Variants in KCND3 observed in about 807,000 individuals in gnomAD.
KCND3 encodes A-type voltage-gated potassium channel KCND3.
Under a neutral mutation model 51.1 loss-of-function variants are expected in KCND3, and 9 were observed. The ratio of observed to expected loss-of-function variants is 0.18; its 90% CI spans 0.11 to 0.31. KCND3 has a LOEUF of 0.31. Ranked by LOEUF, KCND3 falls within the 10% of genes least tolerant of loss-of-function variation. The probability of loss-of-function intolerance (pLI) is 1.00; values close to 1 mark genes in which losing one functional copy is unlikely to be tolerated. For missense variants in KCND3, 526 were observed against 903.8 expected (o/e 0.58, Z 5.36); for synonymous variants, 349 against 368.0 (o/e 0.95, Z 0.59).
intron 2 of KCND3, among the ~76,000 whole-genome samples, chr1:111,894,413 C>T (rs954917799): frequency 2.0e-5 from 3 of 152,196 alleles, no homozygotes; most frequent in Non-Finnish European, 4.4e-5. Context: ...CTTTCTCTCC[C>T]ACCCTACCCT....
chr1:111,936,159 T>C (rs1398873956), intron 2 of KCND3, among the ~76,000 whole-genome samples: 3 of 152,186 alleles, frequency 2.0e-5, no homozygotes, highest in Non-Finnish European at 2.9e-5. Context: ...AGTAAAGAGA[T>C]GGAGAGACCC....
At chr1:111,857,994 G>T (rs1001075267) in intron 2 of KCND3, among the ~76,000 whole-genome samples, 5 of 152,070 alleles carry the variant, frequency 3.3e-5, no homozygotes, top group African/African-American at 1.2e-4. Context: ...CTGTGAGATG[G>T]TCTGCAGTGC....
At chr1:111,987,535 A>AGT (rs1236140052) in intron 1 of KCND3, among the ~76,000 whole-genome samples, 3 of 152,158 alleles carry the variant, frequency 2.0e-5, no homozygotes, top group African/African-American at 7.2e-5. Context: ...GGGGAGGACA[A>AGT]GTGTCCCACC....
intron 2 of KCND3, among the ~76,000 whole-genome samples, chr1:111,934,928 C>T: frequency 6.6e-6 from 1 of 152,190 alleles, no homozygotes; most frequent in Admixed American, 6.5e-5. Flanking sequence ...ACATTAATGC[C>T]TGGCATGTGG....
rs994809435 is a variant in KCND3, at chr1:111,905,424, C to T, written c.1106+76197G>A. Among the ~76,000 whole-genome samples, 12 of 152,330 alleles carry T rather than the reference C, an allele frequency of 7.9e-5. No individual in the cohort carries two copies. In the East Asian group the frequency reaches 2.1e-3, roughly 27 times the overall value. Reference sequence around the variant, plus strand: ...AATATGAGAGTAGAGAGGCTCGGTGCTTTCACAAGGATCCCTGGTAAGGGG... The same window carrying T: ...AATATGAGAGTAGAGAGGCTCGGTGTTTTCACAAGGATCCCTGGTAAGGGG... On this transcript the variant is annotated intron_variant, in intron 2 of 7. Coordinates refer to ENST00000302127, the MANE Select transcript of KCND3 (RefSeq NM_001378969.1).
chr1:111,864,576 T>A (rs1053961132), intron 2 of KCND3, among the ~76,000 whole-genome samples: 3 of 152,238 alleles, frequency 2.0e-5, no homozygotes, highest in African/African-American at 7.2e-5. Context: ...CTTTCTTTCA[T>A]GTAGCTTGAA....
At chr1:111,931,706 T>C (rs1671979780) in intron 2 of KCND3, among the ~76,000 whole-genome samples, 1 of 152,222 alleles carries the variant, frequency 6.6e-6, no homozygotes, top group Non-Finnish European at 1.5e-5. Context: ...AGCATCGGCA[T>C]AGTGCTGCGT....
In KCND3 at chr1:111,960,400, T is replaced by G. The variant is rs1673581499; in HGVS notation, c.1106+21221A>C. On this transcript the variant is annotated intron_variant, in intron 2 of 7. Coordinates refer to ENST00000302127, the MANE Select transcript of KCND3 (RefSeq NM_001378969.1). ...TCCTCAGCTGCTTGATAAAGCCGTA[T>G]TTAGCACATTCCTCCAAACAGAGAA... is the stretch of plus-strand genomic sequence containing the variant. Among the ~76,000 whole-genome samples, 4 of 152,214 alleles carry G rather than the reference T, an allele frequency of 2.6e-5. No homozygotes were observed. In the South Asian group the frequency reaches 8.3e-4, roughly 32 times the overall value.
At chr1:111,906,560 C>A (rs1670657323) in intron 2 of KCND3, among the ~76,000 whole-genome samples, 1 of 152,220 alleles carries the variant, frequency 6.6e-6, no homozygotes, top group Admixed American at 6.5e-5. Context: ...CTTTTCCTGT[C>A]TTATCAAGCC....
At chr1:111,798,566 T>C (rs888049211) in intron 2 of KCND3, among the ~76,000 whole-genome samples, 4 of 151,920 alleles carry the variant, frequency 2.6e-5, no homozygotes, top group Admixed American at 6.6e-5. Flanking sequence ...GACTCAATTG[T>C]TCATGAGTGA....
At chr1:111,791,472 A>G (rs1204864181) in intron 2 of KCND3, among the ~76,000 whole-genome samples, 1 of 152,216 alleles carries the variant, frequency 6.6e-6, no homozygotes, top group Non-Finnish European at 1.5e-5. Context: ...GCGTGATGGA[A>G]AAGACAGTGA....
At chr1:111,838,611 C>T (rs562539271) in intron 2 of KCND3, among the ~76,000 whole-genome samples, 11 of 152,064 alleles carry the variant, frequency 7.2e-5, no homozygotes, top group African/African-American at 1.9e-4. Flanking sequence ...GAGCCGAGAT[C>T]GCACCACTGC....
At chr1:111,955,585 T>A (rs1206778711) in intron 2 of KCND3, among the ~76,000 whole-genome samples, 3 of 152,352 alleles carry the variant, frequency 2.0e-5, no homozygotes, top group South Asian at 2.1e-4. Flanking sequence ...TCTCCCTCGC[T>A]GGGCCCTCAC....
chr1:111,821,436 A>C (rs1412246388), intron 2 of KCND3, among the ~76,000 whole-genome samples: 2 of 152,118 alleles, frequency 1.3e-5, no homozygotes, highest in Non-Finnish European at 2.9e-5. Flanking sequence ...CACAGCGGGT[A>C]TCTTTGGCAC....
At chr1:111,805,688 G>C (rs1394789260) in intron 2 of KCND3, among the ~76,000 whole-genome samples, 1 of 152,254 alleles carries the variant, frequency 6.6e-6, no homozygotes, top group Non-Finnish European at 1.5e-5. Context: ...GGAGCGGGGG[G>C]ACATGGAGAG....
intron 2 of KCND3, among the ~76,000 whole-genome samples, chr1:111,943,857 G>A (rs1672651385): frequency 6.6e-6 from 1 of 152,226 alleles, no homozygotes. Flanking sequence ...CGGCCCAGGA[G>A]TGGCATGGCC....
intron 2 of KCND3, among the ~76,000 whole-genome samples, chr1:111,802,805 A>G (rs142285406): frequency 6.6e-6 from 1 of 152,302 alleles, no homozygotes; most frequent in Non-Finnish European, 1.5e-5. Flanking sequence ...GAATGTTTCA[A>G]CTGAGCTGTG....
In KCND3 at chr1:111,973,751, T is replaced by C. The variant is rs77796233; in HGVS notation, c.1106+7870A>G. Among the ~76,000 whole-genome samples, 247 of 152,376 alleles carry C rather than the reference T, an allele frequency of 1.6e-3. 1 individual carries two copies. Among genetic ancestry groups the C allele is most frequent in the African/African-American group, 5.6e-3 (234 of 41,586 alleles). ...AGCCTCCCAGAAAATGGTTTCTTTA[T>C]ATAGTTTCATCCATTTATTGTTTGA... On this transcript the variant is annotated intron_variant, in intron 2 of 7. Coordinates refer to ENST00000302127, the MANE Select transcript of KCND3 (RefSeq NM_001378969.1).
intron 2 of KCND3, among the ~76,000 whole-genome samples, chr1:111,980,645 C>T (rs1379976639): frequency 6.6e-6 from 1 of 152,186 alleles, no homozygotes; most frequent in East Asian, 1.9e-4. Flanking sequence ...TTGCATTAGG[C>T]TCCATGGTTT....
Sources: allele counts gnomAD v4.1 joint callset (sites outside exome capture counted in the v4.1 genomes callset), GRCh38; gene constraint gnomAD v4.1.1; transcripts MANE v1.5; gene names NCBI Gene and HGNC (gene_info 2026-07-23, HGNC 2026-07-21).